The following RBFOX1 variants were observed in gnomAD, a reference collection of about 807,000 sequenced individuals.
RBFOX1 encodes RNA binding fox-1 homolog 1.
Under a neutral mutation model 57.7 loss-of-function variants are expected in RBFOX1, and 8 were observed. The observed-to-expected ratio is 0.14, with a 90% CI of 0.08 to 0.25. The LOEUF is 0.25. Among genes scored for constraint, RBFOX1 ranks in the 10% least tolerant of loss-of-function variants. The pLI is 1.00. For missense variants in RBFOX1, 611 were observed against 548.5 expected, an observed-to-expected ratio of 1.11 and a Z score of -1.14; for synonymous variants, 326 against 222.4, an observed-to-expected ratio of 1.47 and a Z score of -4.15.
chr16:6,131,293 G>A (rs28651765), intron 1 of RBFOX1, among the ~76,000 whole-genome samples: 4,743 of 152,256 alleles, frequency 0.031, 260 homozygotes, highest in African/African-American at 0.11. Context: ...ATTGCCACTT[G>A]TTTTTGTAAA....
At chr16:7,016,473 A>G (rs1480488678) in intron 3 of RBFOX1, among the ~76,000 whole-genome samples, 1 of 152,150 alleles carries the variant, frequency 6.6e-6, no homozygotes, top group African/African-American at 2.4e-5. Flanking sequence ...GACGTAACCT[A>G]AGTCACTGAA....
intron 3 of RBFOX1, among the ~76,000 whole-genome samples, chr16:7,014,079 A>G (rs567802796): frequency 4.6e-5 from 7 of 152,330 alleles, no homozygotes; most frequent in South Asian, 2.1e-4. Context: ...AAATAAATAC[A>G]CAATGTCATT....
At chr16:6,438,008 T>C (rs1029775967) in intron 2 of RBFOX1, among the ~76,000 whole-genome samples, 5 of 152,182 alleles carry the variant, frequency 3.3e-5, no homozygotes, top group Non-Finnish European at 7.3e-5. Flanking sequence ...GTCTTGACTC[T>C]TGTGCCAGGA....
chr16:7,364,404 C>G (rs149237114), intron 4 of RBFOX1, among the ~76,000 whole-genome samples: 1,939 of 152,140 alleles, frequency 0.013, 24 homozygotes, highest in Non-Finnish European at 0.021. Context: ...ATTCATAGAT[C>G]TTGAGATGCT....
chr16:5,839,884 C>G (rs1002332934), intron 3 of RBFOX1, among the ~76,000 whole-genome samples: 1 of 152,210 alleles, frequency 6.6e-6, no homozygotes, highest in Non-Finnish European at 1.5e-5. Flanking sequence ...TGACTAGAAT[C>G]AGTCTCGTTG....
At chr16:6,610,522 G>C (rs1032046576) in intron 2 of RBFOX1, among the ~76,000 whole-genome samples, 4 of 151,974 alleles carry the variant, frequency 2.6e-5, no homozygotes, top group Non-Finnish European at 4.4e-5. Context: ...TAGAGATGAG[G>C]ACTCCCTTTG....
chr16:7,428,323 C>CTTTTTTT (rs201523653), intron 4 of RBFOX1, among the ~76,000 whole-genome samples: 1 of 112,334 alleles, frequency 8.9e-6, no homozygotes, highest in Non-Finnish European at 1.8e-5. Flanking sequence ...GAATTAATAT[C>CTTTTTTT]TTTTTTTTTT....
chr16:5,488,446 G>A (rs2042712354), intron 2 of RBFOX1, among the ~76,000 whole-genome samples: 1 of 151,758 alleles, frequency 6.6e-6, no homozygotes, highest in Admixed American at 6.6e-5. Context: ...TGATGATGGT[G>A]ATGATTGAAG....
chr16:6,873,135 A>G (rs1195417879), intron 3 of RBFOX1, among the ~76,000 whole-genome samples: 1 of 152,018 alleles, frequency 6.6e-6, no homozygotes, highest in Non-Finnish European at 1.5e-5. Flanking sequence ...GCATTGGAAA[A>G]AAAAAAAAAA....
intron 3 of RBFOX1, among the ~76,000 whole-genome samples, chr16:5,656,378 A>C (rs774067127): frequency 1.3e-5 from 2 of 152,044 alleles, no homozygotes; most frequent in Admixed American, 6.6e-5. Context: ...ATGTCTTGCA[A>C]CTCTCTCACA....
intron 4 of RBFOX1, among the ~76,000 whole-genome samples, chr16:5,974,130 C>T (rs2060014996): frequency 6.6e-6 from 1 of 152,162 alleles, no homozygotes; most frequent in Non-Finnish European, 1.5e-5. Flanking sequence ...ACATTCTTAA[C>T]CATTGTTCTC....
At chr16:7,167,119 G>A (rs1207008737) in intron 4 of RBFOX1, among the ~76,000 whole-genome samples, 2 of 151,040 alleles carry the variant, frequency 1.3e-5, no homozygotes, top group African/African-American at 4.9e-5. Flanking sequence ...CTGAGTAGCT[G>A]AGACTACAGG....
At chr16:6,619,842 G>A (rs2098200946) in intron 2 of RBFOX1, among the ~76,000 whole-genome samples, 1 of 151,972 alleles carries the variant, frequency 6.6e-6, no homozygotes, top group Non-Finnish European at 1.5e-5. Context: ...TATTTTTCCT[G>A]ATTGTCTCCC....
intron 3 of RBFOX1, among the ~76,000 whole-genome samples, chr16:5,750,303 A>C (rs1171433968): frequency 6.6e-6 from 1 of 152,050 alleles, no homozygotes; most frequent in East Asian, 1.9e-4. Flanking sequence ...CAGTTAGGCT[A>C]CTCGGGGGTC....
intron 3 of RBFOX1, among the ~76,000 whole-genome samples, chr16:5,817,217 T>C (rs1428186235): frequency 2.6e-5 from 4 of 152,186 alleles, no homozygotes; most frequent in Non-Finnish European, 5.9e-5. Flanking sequence ...GGTGTGCACT[T>C]CTAGGAGCAG....
chr16:7,018,911 G>A (rs531899032), intron 3 of RBFOX1, among the ~76,000 whole-genome samples: 4 of 152,230 alleles, frequency 2.6e-5, no homozygotes, highest in South Asian at 4.1e-4. Flanking sequence ...TTGAGCTCAG[G>A]AGTTCAAGAC....
chr16:5,261,693 G>A lies in RBFOX1; in HGVS notation c.219+21588G>A, dbSNP rs2062737659. On this transcript the variant is annotated intron_variant, in intron 1 of 2. Coordinates refer to the RBFOX1 transcript ENST00000585867. ...GCCTCCTGAGTAGCTGGGACTACAG[G>A]CGCCTGCCACCATGCCTGGCTAATT... 2.6e-5 allele frequency among the ~76,000 whole-genome samples: 4 copies of A among 151,978 alleles called. No individual in the cohort carries two copies. The South Asian group carries it at 8.3e-4, about 32-fold the overall frequency.
At chr16:5,888,828 T>A (rs1248715287) in intron 4 of RBFOX1, among the ~76,000 whole-genome samples, 2 of 148,196 alleles carry the variant, frequency 1.3e-5, no homozygotes, top group Non-Finnish European at 3.0e-5. Context: ...AAAAAGTTGT[T>A]GAATTAAAAG....
At chr16:7,504,732 TATATA>T (rs2072315354) in intron 4 of RBFOX1, among the ~76,000 whole-genome samples, 6 of 8,640 alleles carry the variant, frequency 6.9e-4, no homozygotes, top group Admixed American at 1.8e-3. Context: ...TATATATATA[TATATA>T]TATATATATA....
Sources: gnomAD v4.1 joint callset for allele counts (sites outside exome capture counted in the v4.1 genomes callset) on GRCh38, gnomAD v4.1.1 for gene constraint, MANE v1.5 for transcripts, NCBI Gene and HGNC (gene_info 2026-07-23, HGNC 2026-07-21) for gene names.